Variants in COL24A1 observed in about 807,000 individuals in gnomAD.
COL24A1 encodes collagen alpha-1(XXIV) chain.
A neutral mutation model predicts 253.9 loss-of-function variants in COL24A1; 224 were observed. That is an observed-to-expected ratio of 0.88 (90% confidence interval 0.79 to 0.99). COL24A1 has a LOEUF of 0.99. Ranked by LOEUF, COL24A1 falls within the 50% of genes least tolerant of loss-of-function variation. COL24A1 has a pLI of 0.00. For missense variants in COL24A1, 2,131 were observed against 2,068.5 expected, an observed-to-expected ratio of 1.03 and a Z score of -0.59; for synonymous variants, 685 against 673.7, an observed-to-expected ratio of 1.02 and a Z score of -0.26.
chr1:85,748,425 G>C (rs141142032), intron 55 of COL24A1, among the ~76,000 whole-genome samples: 7 of 152,296 alleles, frequency 4.6e-5, no homozygotes, highest in African/African-American at 1.7e-4. Context: ...AGAAATCTAG[G>C]AGACAGCAAA....
At chr1:86,074,939 G>A (rs555988484) in intron 7 of COL24A1, among the ~76,000 whole-genome samples, 49 of 152,172 alleles carry the variant, frequency 3.2e-4, no homozygotes, top group African/African-American at 1.1e-3. Flanking sequence ...ATGCTATAGG[G>A]AAAGATCTAA....
At chr1:85,964,932 C>T (rs1353928324) in intron 23 of COL24A1, 77 bp downstream of exon 23, 3 of 1,308,726 alleles carry the variant, frequency 2.3e-6, no homozygotes, top group Non-Finnish European at 3.3e-6. Context: ...GTGTTCATTT[C>T]ACATTTGTAT....
chr1:85,891,774 G>A (rs192449950), intron 31 of COL24A1, among the ~76,000 whole-genome samples: 2 of 152,266 alleles, frequency 1.3e-5, no homozygotes, highest in African/African-American at 4.8e-5. Flanking sequence ...AGTATGTTTA[G>A]ACATAATATC....
chr1:85,958,699 G>T (rs916700792), intron 24 of COL24A1, among the ~76,000 whole-genome samples: 1 of 151,992 alleles, frequency 6.6e-6, no homozygotes, highest in Non-Finnish European at 1.5e-5. Context: ...TAGTGAAAAA[G>T]AACATGTTTT....
rs200943854 is a variant in COL24A1, at chr1:85,868,791, A to G, written c.3183T>C (p.Asp1061=). ...TAAAAGTATAATTTACCTTTAACCC[A>G]TCTTTTCCCTGGAGACCTTCTTCTC... The part of the protein sequence containing the change: ...APGEEGLQGK[D]GLKGVPGGRG... Residue 1061 remains aspartate (D), a synonymous_variant, in exon 36 of 60, where the codon GAT becomes GAC. Transcript: ENST00000370571. 1.3e-6 allele frequency: 2 copies of G among 1,581,116 alleles called. No individual in the cohort carries two copies. The highest frequency in any genetic ancestry group is 1.2e-5 in the South Asian group (1 of 85,088).
intron 24 of COL24A1, among the ~76,000 whole-genome samples, chr1:85,939,625 T>A (rs1452509780): frequency 6.6e-6 from 1 of 152,204 alleles, no homozygotes; most frequent in Admixed American, 6.5e-5. Context: ...AGGAGAAAAC[T>A]TATAGAGCTC....
Position 85,938,317 on chromosome 1 carries a change from G to T in COL24A1, c.2562+22932C>A, listed in dbSNP as rs117597718. Among the ~76,000 whole-genome samples the T allele has an allele frequency of 2.0e-5, 3 of 146,476 alleles. 1 individual carries two copies. The highest frequency in any genetic ancestry group is 4.5e-5 in the Non-Finnish European group (3 of 66,422). On this transcript the variant is annotated intron_variant, in intron 24 of 59. Coordinates refer to ENST00000370571, the MANE Select transcript of COL24A1 (RefSeq NM_152890.7). ...GAGCTCTGCAGACATGGAGGCCCTC[G>T]TCCTCAAAGGGAACACATTTTCACC...
intron 22 of COL24A1, among the ~76,000 whole-genome samples, chr1:85,966,304 C>T (rs1200132284): frequency 6.6e-6 from 1 of 152,016 alleles, no homozygotes; most frequent in African/African-American, 2.4e-5. Context: ...AAGTTTTGGA[C>T]ATGTTAGTTT....
At chr1:85,746,964 G>A (rs945334916) in intron 55 of COL24A1, among the ~76,000 whole-genome samples, 3 of 151,960 alleles carry the variant, frequency 2.0e-5, no homozygotes, top group Non-Finnish European at 4.4e-5. Context: ...GTCCCCTGCT[G>A]GTGATTATGG....
At chr1:86,128,428 G>A (rs1463282471) in intron 2 of COL24A1, among the ~76,000 whole-genome samples, 1 of 151,910 alleles carries the variant, frequency 6.6e-6, no homozygotes, top group African/African-American at 2.4e-5. Flanking sequence ...TAAATTTAAA[G>A]TATATATGAT....
intron 19 of COL24A1, among the ~76,000 whole-genome samples, chr1:86,015,042 A>G (rs1696868709): frequency 6.6e-6 from 1 of 152,208 alleles, no homozygotes; most frequent in Non-Finnish European, 1.5e-5. Context: ...ACAAGCAGAA[A>G]GTTTTCAGGC....
intron 22 of COL24A1, 71 bp downstream of exon 22, chr1:85,970,156 T>A (rs187476242): frequency 7.6e-7 from 1 of 1,309,094 alleles, no homozygotes; most frequent in African/African-American, 1.5e-5. Context: ...AATGTTATGA[T>A]GTTAAAAACA....
intron 7 of COL24A1, among the ~76,000 whole-genome samples, chr1:86,086,044 A>G (rs780153588): frequency 2.6e-5 from 4 of 152,120 alleles, no homozygotes; most frequent in South Asian, 2.1e-4. Context: ...TGTATTTCAC[A>G]TAACTTTCTT....
chr1:85,811,346 C>CTA (rs921220154), intron 47 of COL24A1, among the ~76,000 whole-genome samples: 3 of 152,084 alleles, frequency 2.0e-5, no homozygotes, highest in African/African-American at 7.2e-5. Context: ...TTTTTACTAT[C>CTA]TATATGTATC....
intron 2 of COL24A1, among the ~76,000 whole-genome samples, chr1:86,132,674 G>A (rs192151565): frequency 6.6e-6 from 1 of 152,140 alleles, no homozygotes; most frequent in African/African-American, 2.4e-5. Context: ...TCAGACAGTT[G>A]TAGATATGTG....
intron 35 of COL24A1, among the ~76,000 whole-genome samples, chr1:85,872,800 A>G (rs1221187120): frequency 1.3e-5 from 2 of 152,236 alleles, no homozygotes; most frequent in African/African-American, 2.4e-5. Context: ...TGTCTAAAAC[A>G]CAAAAAGCAA....
intron 46 of COL24A1, among the ~76,000 whole-genome samples, chr1:85,817,547 T>C (rs533216280): frequency 2.6e-5 from 4 of 152,316 alleles, no homozygotes; most frequent in East Asian, 1.9e-4. Context: ...TCAACACTTA[T>C]CTGCCTGGCC....
chr1:85,736,003 T>G (rs1664009583), intron 58 of COL24A1: 1 of 206,954 alleles, frequency 4.8e-6, no homozygotes, highest in African/African-American at 2.3e-5. Flanking sequence ...AGTAATTCAA[T>G]TCCTTCATTT....
intron 24 of COL24A1, among the ~76,000 whole-genome samples, chr1:85,943,630 A>C (rs1191450508): frequency 1.3e-5 from 2 of 152,252 alleles, no homozygotes; most frequent in South Asian, 2.1e-4. Context: ...AAATCACTTA[A>C]TTGCAACAGT....
Sources: allele counts gnomAD v4.1 joint callset (sites outside exome capture counted in the v4.1 genomes callset), GRCh38; gene constraint gnomAD v4.1.1; transcripts MANE v1.5; gene names NCBI Gene and HGNC (gene_info 2026-07-23, HGNC 2026-07-21).